Variants in ETV6 observed in about 807,000 individuals in gnomAD.
The protein encoded by ETV6 is transcription factor ETV6.
In ETV6, 16 loss-of-function variants were observed where a neutral mutation model predicts 51.1. The ratio of observed to expected loss-of-function variants is 0.31; its 90% confidence interval spans 0.21 to 0.48. ETV6 has a LOEUF of 0.48. Among genes scored for constraint, ETV6 ranks in the 20% least tolerant of loss-of-function variants. The pLI, the probability that ETV6 is intolerant of heterozygous loss-of-function variation, is 0.99. For synonymous variants in ETV6, 240 were observed against 224.1 expected, an observed-to-expected ratio of 1.07 and a Z score of -0.64; for missense variants, 458 against 594.8, an observed-to-expected ratio of 0.77 and a Z score of 2.39.
At chr12:11,799,285 C>T (rs1258236583) in intron 2 of ETV6, among the ~76,000 whole-genome samples, 1 of 152,194 alleles carries the variant, frequency 6.6e-6, no homozygotes. Context: ...TCCTTTACTG[C>T]CATCCATCTT....
chr12:11,718,039 G>A (rs968973837), intron 1 of ETV6, among the ~76,000 whole-genome samples: 5 of 152,148 alleles, frequency 3.3e-5, no homozygotes, highest in Non-Finnish European at 7.3e-5. Flanking sequence ...AACATGGGGG[G>A]AAAGTCAGGT....
At position 11,893,226 on chromosome 12, in the gene ETV6, A is replaced by T; in HGVS notation, c.*2180A>T. ...AAAGCCACTGATTTTAAGAATGGAGAGAAAGGGATTTTTTACTGCATCCCT... is the reference window on the plus strand; with the variant it reads ...AAAGCCACTGATTTTAAGAATGGAGTGAAAGGGATTTTTTACTGCATCCCT... On this transcript the variant is annotated 3_prime_UTR_variant, in exon 8 of 8. Coordinates refer to ENST00000396373, the MANE Select transcript of ETV6 (RefSeq NM_001987.5). 4.3e-6 allele frequency: 1 copy of T among 232,840 alleles called. No individual in the cohort carries two copies. Among genetic ancestry groups the T allele is most frequent in the South Asian group, 1.8e-4 (1 of 5,518 alleles). 14.4% of individuals were successfully genotyped at this position (232,840 alleles called of 1,614,324 possible).
At chr12:11,754,176 T>C (rs565087882) in intron 2 of ETV6, among the ~76,000 whole-genome samples, 6 of 152,326 alleles carry the variant, frequency 3.9e-5, no homozygotes, top group Admixed American at 3.3e-4. Context: ...GCTACCTAAT[T>C]CATTCATTTA....
chr12:11,682,020 C>G (rs981927590), intron 1 of ETV6, among the ~76,000 whole-genome samples: 2 of 152,162 alleles, frequency 1.3e-5, no homozygotes, highest in Non-Finnish European at 2.9e-5. Context: ...AACAGTGTCA[C>G]AATAAACATA....
intron 2 of ETV6, among the ~76,000 whole-genome samples, chr12:11,831,299 C>T (rs1019406583): frequency 2.6e-5 from 4 of 152,194 alleles, no homozygotes; most frequent in Non-Finnish European, 5.9e-5. Context: ...AATCTCGGCT[C>T]ACTGCAAACT....
At chr12:11,650,916 A>G (rs538873226) in intron 1 of ETV6, among the ~76,000 whole-genome samples, 1 of 152,338 alleles carries the variant, frequency 6.6e-6, no homozygotes, top group South Asian at 2.1e-4. Context: ...CAGAGAGGCT[A>G]TCTAAGCAGC....
intron 1 of ETV6, among the ~76,000 whole-genome samples, chr12:11,736,950 G>A (rs1253880395): frequency 6.6e-6 from 1 of 152,188 alleles, no homozygotes; most frequent in Non-Finnish European, 1.5e-5. Flanking sequence ...CTCTGTTCTA[G>A]TTGTAAGGGA....
At chr12:11,651,943 A>T (rs995533046) in intron 1 of ETV6, among the ~76,000 whole-genome samples, 2 of 152,162 alleles carry the variant, frequency 1.3e-5, no homozygotes, top group African/African-American at 4.8e-5. Context: ...GCAGACTGCT[A>T]CTGAGTGGTT....
chr12:11,698,881 A>G (rs1864926821), intron 1 of ETV6, among the ~76,000 whole-genome samples: 3 of 152,188 alleles, frequency 2.0e-5, no homozygotes, highest in African/African-American at 4.8e-5. Flanking sequence ...AGGTATTACT[A>G]CTACTAAACT....
chr12:11,656,196 A>G lies in ETV6; in HGVS notation c.33+6036A>G, dbSNP rs571994929. Among the ~76,000 whole-genome samples, 4 of 152,294 alleles carry G rather than the reference A, an allele frequency of 2.6e-5. No individual in the cohort carries two copies. The South Asian group carries it at 6.2e-4, about 24-fold the overall frequency. On this transcript the variant is annotated intron_variant, in intron 1 of 7. Coordinates refer to ENST00000396373, the MANE Select transcript of ETV6 (RefSeq NM_001987.5). ...TGGATGCAGTTTTTCTCTCCATTCT[A>G]CAAATGAGGAAACTGAAGCCCAGAG...
intron 2 of ETV6, among the ~76,000 whole-genome samples, chr12:11,806,757 G>A (rs958137462): frequency 3.9e-5 from 6 of 152,198 alleles, no homozygotes; most frequent in African/African-American, 1.2e-4. Flanking sequence ...CATGTTCTGT[G>A]TAGGGATAAA....
chr12:11,807,949 AGCATAC>A (rs1430254442), intron 2 of ETV6, among the ~76,000 whole-genome samples: 7 of 152,304 alleles, frequency 4.6e-5, no homozygotes, highest in Non-Finnish European at 8.8e-5. Context: ...AAGTAGTAGG[AGCATAC>A]GTTTTTGTCT....
chr12:11,735,330 C>T (rs970841199), intron 1 of ETV6, among the ~76,000 whole-genome samples: 12 of 151,990 alleles, frequency 7.9e-5, no homozygotes, highest in African/African-American at 2.4e-4. Context: ...CTGCGAGTTA[C>T]GGTTATGGGA....
chr12:11,688,337 G>A (rs569347802), intron 1 of ETV6, among the ~76,000 whole-genome samples: 5 of 152,332 alleles, frequency 3.3e-5, no homozygotes, highest in East Asian at 1.9e-4. Context: ...GAGAACCAGC[G>A]AATGAACTTA....
At chr12:11,793,825 C>T (rs1450071826) in intron 2 of ETV6, among the ~76,000 whole-genome samples, 2 of 152,220 alleles carry the variant, frequency 1.3e-5, no homozygotes, top group Non-Finnish European at 2.9e-5. Flanking sequence ...AGGCAGCGTT[C>T]TCCTTTTTTG....
chr12:11,822,148 C>T (rs1052824321), intron 2 of ETV6, among the ~76,000 whole-genome samples: 117 of 152,196 alleles, frequency 7.7e-4, no homozygotes, highest in African/African-American at 2.7e-3. Context: ...TTGACATGCC[C>T]TGCGCCTGAT....
intron 5 of ETV6, among the ~76,000 whole-genome samples, chr12:11,871,286 T>A (rs1946877928): frequency 1.3e-5 from 2 of 151,734 alleles, no homozygotes; most frequent in South Asian, 4.2e-4. Context: ...CCTCCCGGGT[T>A]CACGTCATTC....
At chr12:11,699,754 T>G (rs1591617301) in intron 1 of ETV6, among the ~76,000 whole-genome samples, 2 of 152,104 alleles carry the variant, frequency 1.3e-5, no homozygotes, top group South Asian at 4.2e-4. Flanking sequence ...GTGGCCACCC[T>G]CTGTGTTATG....
rs151325905 is a variant in ETV6 at position 11,800,818 on chromosome 12, C to T, written c.164-38322C>T. On this transcript the variant is annotated intron_variant, in intron 2 of 7. Coordinates refer to ENST00000396373, the MANE Select transcript of ETV6 (RefSeq NM_001987.5). ...GGCATGGTGGCACACACCTGTAATC[C>T]AGCTAATAGGGAGGCTTAGTTGGGG... Among the ~76,000 whole-genome samples, 297 of 152,142 alleles carry T rather than the reference C, an allele frequency of 2.0e-3. 1 individual carries two copies. The highest frequency in any genetic ancestry group is 6.7e-3 in the African/African-American group (280 of 41,504).
Sources: gnomAD v4.1 joint callset for allele counts (sites outside exome capture counted in the v4.1 genomes callset) on GRCh38, gnomAD v4.1.1 for gene constraint, MANE v1.5 for transcripts, NCBI Gene and HGNC (gene_info 2026-07-23, HGNC 2026-07-21) for gene names.